The following AFG2A variants were observed in gnomAD, a reference collection of about 807,000 sequenced individuals.
AFG2A encodes ATPase family gene 2 protein homolog A.
the AFG2A span, among the ~76,000 whole-genome samples, chr4:123,111,636 TC>T: frequency 7.4e-3 from 1,128 of 152,244 alleles, 6 homozygotes; most frequent in Middle Eastern, 0.044. Context: ...GAGTAAAAGG[TC>T]AGTTATGGTA....
At chr4:123,227,859 G>A in the AFG2A span, among the ~76,000 whole-genome samples, 1 of 152,044 alleles carries the variant, frequency 6.6e-6, no homozygotes, top group African/African-American at 2.4e-5. Context: ...TCTCTTTGTA[G>A]GTCCCTAAGG....
the AFG2A span, among the ~76,000 whole-genome samples, chr4:123,272,193 G>C: frequency 6.6e-6 from 1 of 152,012 alleles, no homozygotes; most frequent in Admixed American, 6.6e-5. Flanking sequence ...AAAATGTTTT[G>C]CTTTCCATTT....
At chr4:123,149,930 C>G in the AFG2A span, among the ~76,000 whole-genome samples, 1 of 151,238 alleles carries the variant, frequency 6.6e-6, no homozygotes, top group East Asian at 1.9e-4. Flanking sequence ...CTCAGCCTCC[C>G]AAGTTAGCTG....
At chr4:123,028,803 C>G in the AFG2A span, among the ~76,000 whole-genome samples, 1 of 152,114 alleles carries the variant, frequency 6.6e-6, no homozygotes, top group African/African-American at 2.4e-5. Flanking sequence ...TTATGGTACA[C>G]TAAATTCTTT....
chr4:123,070,072 G>GC, the AFG2A span, among the ~76,000 whole-genome samples: 1 of 152,144 alleles, frequency 6.6e-6, no homozygotes, highest in South Asian at 2.1e-4. Context: ...TAATCTGGAT[G>GC]CATCTGTTGA....
the AFG2A span, among the ~76,000 whole-genome samples, chr4:123,291,563 T>C: frequency 6.6e-6 from 1 of 152,234 alleles, no homozygotes; most frequent in Admixed American, 6.5e-5. Flanking sequence ...AGTTTCTCTC[T>C]CATTTATGAA....
At chr4:123,225,146 TC>T in the AFG2A span, among the ~76,000 whole-genome samples, 1 of 152,098 alleles carries the variant, frequency 6.6e-6, no homozygotes, top group African/African-American at 2.4e-5. Context: ...AAAAATTTTC[TC>T]CCATTCTGTA....
the AFG2A span, among the ~76,000 whole-genome samples, chr4:122,930,909 TTGTTTTAAAAAATCTTA>T: frequency 0.034 from 5,043 of 147,122 alleles, 161 homozygotes; most frequent in South Asian, 0.15. Flanking sequence ...TTTTAAAATT[TTGTTTTAAAAAATCTTA>T]TGTTTTAAAA....
chr4:123,184,915 G>A, the AFG2A span, among the ~76,000 whole-genome samples: 1 of 152,322 alleles, frequency 6.6e-6, no homozygotes, highest in Admixed American at 6.5e-5. Flanking sequence ...TCTTTGGTTA[G>A]CGTGATAAAT....
chr4:123,250,541 A>T, the AFG2A span, among the ~76,000 whole-genome samples: 1,969 of 152,196 alleles, frequency 0.013, 21 homozygotes, highest in Non-Finnish European at 0.022. Flanking sequence ...AATTGGGAGT[A>T]TTTTTTGTAT....
chr4:122,934,326 C>G, the AFG2A span: 3 of 1,614,146 alleles, frequency 1.9e-6, no homozygotes, highest in African/African-American at 1.3e-5. Context: ...ATACCCAGAT[C>G]CCAACATCAA....
chr4:123,081,500 T>G, the AFG2A span, among the ~76,000 whole-genome samples: 1 of 152,208 alleles, frequency 6.6e-6, no homozygotes, highest in East Asian at 1.9e-4. Flanking sequence ...AATATTCCAT[T>G]GTCTGGACCT....
chr4:123,308,645 A>C, the AFG2A span, among the ~76,000 whole-genome samples: 1 of 152,228 alleles, frequency 6.6e-6, no homozygotes, highest in Non-Finnish European at 1.5e-5. Flanking sequence ...CTGTCCATGG[A>C]AAGATTGTCT....
chr4:123,024,011 A>C, the AFG2A span, among the ~76,000 whole-genome samples: 1 of 151,816 alleles, frequency 6.6e-6, no homozygotes, highest in African/African-American at 2.4e-5. Flanking sequence ...TAGAAGAGAG[A>C]GGAGTTGCTG....
At chr4:123,223,411 T>TA in the AFG2A span, among the ~76,000 whole-genome samples, 6 of 152,080 alleles carry the variant, frequency 3.9e-5, no homozygotes, top group Non-Finnish European at 7.4e-5. Context: ...CACACTGCTA[T>TA]AAAAAAATAC....
At chr4:123,204,359 G>A in the AFG2A span, among the ~76,000 whole-genome samples, 2 of 152,168 alleles carry the variant, frequency 1.3e-5, no homozygotes, top group Non-Finnish European at 2.9e-5. Context: ...TAATGAATGA[G>A]AAATCTAGTT....
At chr4:122,990,352 C>CA in the AFG2A span, among the ~76,000 whole-genome samples, 1 of 152,188 alleles carries the variant, frequency 6.6e-6, no homozygotes, top group Admixed American at 6.5e-5. Context: ...CTCTTTCTTG[C>CA]AAAAACTCTA....
chr4:123,135,789 T>A, the AFG2A span, among the ~76,000 whole-genome samples: 2 of 152,178 alleles, frequency 1.3e-5, no homozygotes, highest in African/African-American at 4.8e-5. Context: ...TTTAGTATCC[T>A]CCAGGTTGCC....
the AFG2A span, among the ~76,000 whole-genome samples, chr4:123,299,069 T>A: frequency 1.3e-5 from 2 of 151,994 alleles, no homozygotes; most frequent in African/African-American, 4.8e-5. Flanking sequence ...CATTTTAGTA[T>A]AATGCTTAAA....
Sources: allele counts gnomAD v4.1 joint callset (sites outside exome capture counted in the v4.1 genomes callset), GRCh38; gene constraint gnomAD v4.1.1; transcripts MANE v1.5; gene names NCBI Gene and HGNC (gene_info 2026-07-23, HGNC 2026-07-21).